The following MAST4 variants were observed in gnomAD, a reference collection of about 807,000 sequenced individuals.
MAST4 encodes microtubule associated serine/threonine kinase family member 4.
In MAST4, 89 loss-of-function variants were observed where a neutral mutation model predicts 162.7. The observed-to-expected ratio is 0.55, with a 90% CI of 0.46 to 0.65. MAST4 has a LOEUF of 0.65. Ranked by LOEUF, MAST4 falls within the 30% of genes least tolerant of loss-of-function variation. MAST4 has a pLI of 0.00. For missense variants in MAST4, 3,153 were observed against 3,374.0 expected (o/e 0.93, Z 1.62); for synonymous variants, 1,479 against 1,361.1 (o/e 1.09, Z -1.91).
intron 3 of MAST4, among the ~76,000 whole-genome samples, chr5:66,856,889 C>G (rs543920843): frequency 6.6e-6 from 1 of 152,248 alleles, no homozygotes; most frequent in Admixed American, 6.5e-5. Flanking sequence ...TTGTGAAATG[C>G]TGAATAACAT....
chr5:66,664,304 G>A (rs990204100), intron 1 of MAST4, among the ~76,000 whole-genome samples: 4 of 151,534 alleles, frequency 2.6e-5, no homozygotes, highest in Non-Finnish European at 4.4e-5. Context: ...ACGTGGTGAC[G>A]GGCACTGGTA....
chr5:67,013,461 A>G (rs967027777), intron 4 of MAST4, among the ~76,000 whole-genome samples: 1 of 152,242 alleles, frequency 6.6e-6, no homozygotes, highest in Non-Finnish European at 1.5e-5. Context: ...CCACATGAGT[A>G]TTTGTTGAAG....
chr5:66,911,290 T>A (rs1763741393), intron 4 of MAST4, among the ~76,000 whole-genome samples: 1 of 152,088 alleles, frequency 6.6e-6, no homozygotes, highest in South Asian at 2.1e-4. Context: ...GAGGAAAAAG[T>A]TTTACTGACT....
At position 67,154,814 on chromosome 5, in the gene MAST4, G is replaced by A. The variant is rs149753188; in HGVS notation, c.3648+1234G>A. Among the ~76,000 whole-genome samples, 562 of 152,240 alleles carry A rather than the reference G, an allele frequency of 3.7e-3. 4 individuals are homozygous for A. The highest frequency in any genetic ancestry group is 0.011 in the African/African-American group (473 of 41,540). On this transcript the variant is annotated intron_variant, in intron 26 of 28. Coordinates refer to ENST00000403625, the MANE Select transcript of MAST4 (RefSeq NM_001164664.2). The stretch of plus-strand genomic sequence containing the variant: ...TGTCATGAAACCAAGAGGATACAAG[G>A]GATTTAATTATCTTCCCAGTGAACT...
At chr5:66,950,896 G>A (rs984788135) in intron 4 of MAST4, among the ~76,000 whole-genome samples, 2 of 152,084 alleles carry the variant, frequency 1.3e-5, no homozygotes, top group Non-Finnish European at 2.9e-5. Context: ...TTACATTTCC[G>A]CAGTTATACT....
intron 10 of MAST4, among the ~76,000 whole-genome samples, chr5:67,107,572 T>C (rs553586587): frequency 6.6e-6 from 1 of 152,324 alleles, no homozygotes; most frequent in East Asian, 1.9e-4. Context: ...GGCCTGCCCT[T>C]TTTAGATAGA....
intron 1 of MAST4, among the ~76,000 whole-genome samples, chr5:66,686,396 C>G (rs1407849483): frequency 1.3e-5 from 2 of 151,980 alleles, no homozygotes; most frequent in Admixed American, 6.6e-5. Flanking sequence ...TACAGAAAAG[C>G]CTTTCTGAGT....
intron 5 of MAST4, among the ~76,000 whole-genome samples, chr5:67,081,048 GTA>G (rs933284644): frequency 7.5e-5 from 9 of 119,776 alleles, no homozygotes; most frequent in Non-Finnish European, 1.1e-4. Context: ...ATATATAATT[GTA>G]TATATTATAT....
intron 1 of MAST4, among the ~76,000 whole-genome samples, chr5:66,704,902 C>T (rs958284064): frequency 1.9e-4 from 29 of 152,124 alleles, no homozygotes; most frequent in African/African-American, 7.0e-4. Flanking sequence ...TCTCGGAAAG[C>T]AGTCAGGGAG....
intron 3 of MAST4, among the ~76,000 whole-genome samples, chr5:66,873,427 C>A (rs1286653796): frequency 6.6e-6 from 1 of 152,208 alleles, no homozygotes; most frequent in Non-Finnish European, 1.5e-5. Context: ...AGAATTCTTA[C>A]AAATTACAGG....
intron 4 of MAST4, among the ~76,000 whole-genome samples, chr5:67,034,469 T>G (rs572706270): frequency 7.3e-4 from 111 of 152,278 alleles, no homozygotes; most frequent in Non-Finnish European, 1.1e-3. Context: ...TCCTAACTTA[T>G]GTGTTTGCTC....
intron 4 of MAST4, among the ~76,000 whole-genome samples, chr5:66,925,709 G>A (rs1346201312): frequency 1.3e-5 from 2 of 152,126 alleles, no homozygotes. Context: ...TCCCTGCACT[G>A]TGCCTAGCAT....
At chr5:66,950,230 TTC>T (rs1200837991) in intron 4 of MAST4, among the ~76,000 whole-genome samples, 2 of 133,462 alleles carry the variant, frequency 1.5e-5, no homozygotes, top group African/African-American at 8.2e-5. Flanking sequence ...TACTTTTTTT[TTC>T]TTTTTTTTTC....
intron 1 of MAST4, among the ~76,000 whole-genome samples, chr5:66,626,130 T>C (rs964691793): frequency 8.5e-6 from 1 of 117,050 alleles, no homozygotes; most frequent in Admixed American, 8.3e-5. Context: ...TGGGATGATA[T>C]TAGTCAAAGG....
At chr5:66,624,246 G>A (rs981976748) in intron 1 of MAST4, among the ~76,000 whole-genome samples, 51 of 136,596 alleles carry the variant, frequency 3.7e-4, no homozygotes, top group African/African-American at 1.2e-3. Flanking sequence ...TCTGCCTCCC[G>A]GTTTCATGCC....
intron 3 of MAST4, among the ~76,000 whole-genome samples, chr5:66,824,623 G>A (rs1168941643): frequency 6.6e-6 from 1 of 152,230 alleles, no homozygotes; most frequent in African/African-American, 2.4e-5. Flanking sequence ...GTGAAGAGAG[G>A]TAACTTATTT....
intron 1 of MAST4, among the ~76,000 whole-genome samples, chr5:66,644,666 T>C (rs1213362157): frequency 6.6e-6 from 1 of 151,548 alleles, no homozygotes; most frequent in Non-Finnish European, 1.5e-5. Context: ...GTCTCCCAAA[T>C]AGGGTTCTGG....
At chr5:66,943,355 G>A (rs955694935) in intron 4 of MAST4, among the ~76,000 whole-genome samples, 4 of 152,064 alleles carry the variant, frequency 2.6e-5, no homozygotes, top group Non-Finnish European at 5.9e-5. Context: ...AAAAATGCAT[G>A]TTCTCATTGT....
At chr5:66,626,261 T>C (rs1018067121) in intron 1 of MAST4, among the ~76,000 whole-genome samples, 5 of 152,168 alleles carry the variant, frequency 3.3e-5, no homozygotes, top group African/African-American at 9.7e-5. Context: ...TCTTCTCATA[T>C]ACACACGTGC....
Sources: allele counts gnomAD v4.1 joint callset (sites outside exome capture counted in the v4.1 genomes callset), GRCh38; gene constraint gnomAD v4.1.1; transcripts MANE v1.5; gene names NCBI Gene and HGNC (gene_info 2026-07-23, HGNC 2026-07-21).